The following SNX3 variants were observed in gnomAD, a reference collection of about 807,000 sequenced individuals.
The protein encoded by SNX3 is sorting nexin-3.
A neutral mutation model predicts 17.7 loss-of-function variants in SNX3; 5 were observed. That is an observed-to-expected ratio of 0.28 (90% CI 0.15 to 0.59). The LOEUF (loss-of-function observed/expected upper bound fraction) is 0.59. SNX3 is among the 20% of genes least tolerant of loss of function. The probability of loss-of-function intolerance (pLI) is 0.88; values close to 1 mark genes in which losing one functional copy is unlikely to be tolerated. For missense variants in SNX3, 132 were observed against 206.8 expected, an observed-to-expected ratio of 0.64 and a Z score of 2.22; for synonymous variants, 91 against 76.5, an observed-to-expected ratio of 1.19 and a Z score of -0.99.
chr6:108,217,908 T>C (rs1337178787), intron 2 of SNX3, among the ~76,000 whole-genome samples: 5 of 152,194 alleles, frequency 3.3e-5, no homozygotes, highest in Admixed American at 1.3e-4. Flanking sequence ...CCATAATACA[T>C]GTCAGCTAAT....
intron 1 of SNX3, among the ~76,000 whole-genome samples, chr6:108,233,111 C>G (rs1775223046): frequency 6.6e-6 from 1 of 152,186 alleles, no homozygotes; most frequent in Non-Finnish European, 1.5e-5. Context: ...ATTATCTAGA[C>G]TAGCTTAAAT....
chr6:108,235,986 T>C (rs746940778), intron 1 of SNX3, among the ~76,000 whole-genome samples: 2 of 152,224 alleles, frequency 1.3e-5, no homozygotes, highest in Non-Finnish European at 2.9e-5. Context: ...TTCTGAGTAG[T>C]TGAAGTTCCT....
chr6:108,222,110 A>T (rs1421265867), intron 2 of SNX3: 11 of 881,538 alleles, frequency 1.2e-5, no homozygotes, highest in Non-Finnish European at 1.7e-5. Context: ...GCTCATATGC[A>T]GCCACTTTTA....
chr6:108,253,532 T>C (rs1221320457), intron 1 of SNX3, among the ~76,000 whole-genome samples: 1 of 152,064 alleles, frequency 6.6e-6, no homozygotes, highest in Non-Finnish European at 1.5e-5. Context: ...TCCCAAAAAC[T>C]TAAGCTGTAG....
At chr6:108,228,249 T>A (rs1775032065) in intron 1 of SNX3, among the ~76,000 whole-genome samples, 1 of 151,816 alleles carries the variant, frequency 6.6e-6, no homozygotes. Flanking sequence ...CTACAAAAAA[T>A]AAAAAATTAG....
At chr6:108,227,829 T>G (rs1249764505) in intron 1 of SNX3, among the ~76,000 whole-genome samples, 1 of 150,662 alleles carries the variant, frequency 6.6e-6, no homozygotes, top group Non-Finnish European at 1.5e-5. Context: ...TTTTTTTTTG[T>G]TGTTGTTGTT....
At chr6:108,229,651 G>A (rs945220213) in intron 1 of SNX3, among the ~76,000 whole-genome samples, 4 of 152,188 alleles carry the variant, frequency 2.6e-5, no homozygotes, top group South Asian at 4.1e-4. Context: ...AAAATGGCGC[G>A]AGTGCAATGG....
intron 1 of SNX3, among the ~76,000 whole-genome samples, chr6:108,239,501 A>C (rs1467430020): frequency 6.6e-6 from 1 of 152,190 alleles, no homozygotes; most frequent in African/African-American, 2.4e-5. Flanking sequence ...CTTAATAATT[A>C]AGTAGAAACT....
At chr6:108,228,277 G>A (rs1465370198) in intron 1 of SNX3, among the ~76,000 whole-genome samples, 2 of 152,066 alleles carry the variant, frequency 1.3e-5, no homozygotes, top group Non-Finnish European at 2.9e-5. Flanking sequence ...GGCTGGGCGT[G>A]GTGGCTCATG....
At chr6:108,215,072 G>A (rs139534882) in intron 2 of SNX3, among the ~76,000 whole-genome samples, 116 of 152,326 alleles carry the variant, frequency 7.6e-4, no homozygotes, top group African/African-American at 2.4e-3. Flanking sequence ...GGTTTCAGCC[G>A]GGCGTGGTGG....
At chr6:108,238,117 A>AAC (rs1775406809) in intron 1 of SNX3, among the ~76,000 whole-genome samples, 2 of 151,100 alleles carry the variant, frequency 1.3e-5, no homozygotes, top group African/African-American at 4.9e-5. Context: ...AAAAAAAAAA[A>AAC]AAACAAACAA....
At position 108,212,660 on chromosome 6, in the gene SNX3, A is replaced by G. The variant is rs149178247; in HGVS notation, c.384-406T>C. Reference sequence around the variant, plus strand: ...GCTCAGAATCATGTACAGTTTACCAATAAGTATTATTCTGGACTGTCCATA... The same window carrying G: ...GCTCAGAATCATGTACAGTTTACCAGTAAGTATTATTCTGGACTGTCCATA... On this transcript the variant is annotated intron_variant, in intron 3 of 3. Transcript: ENST00000230085. 1.8e-4 allele frequency among the ~76,000 whole-genome samples: 28 copies of G among 152,178 alleles called. No individual in the cohort carries two copies. In the East Asian group the frequency reaches 5.0e-3, roughly 27 times the overall value.
At chr6:108,235,006 C>T (rs1229100300) in intron 1 of SNX3, among the ~76,000 whole-genome samples, 1 of 152,182 alleles carries the variant, frequency 6.6e-6, no homozygotes, top group Non-Finnish European at 1.5e-5. Flanking sequence ...AGTTGTCCTC[C>T]AGAAAGGCTA....
Position 108,261,029 on chromosome 6 carries a change from G to C in SNX3, c.-108C>G. 1.8e-6 allele frequency: 2 copies of C among 1,108,962 alleles called. No individual in the cohort carries two copies. Among genetic ancestry groups the C allele is most frequent in the Non-Finnish European group, 2.4e-6 (2 of 837,866 alleles). 68.7% of individuals were successfully genotyped at this position (1,108,962 alleles called of 1,614,324 possible). A position where few individuals can be genotyped will look rare whatever the true frequency, so the allele number is the denominator to read the frequency against. ...TGGGGACACGGGGCTCGCGCGCAGC[G>C]GTCGCGAAGAGAACGAGCACGTAGA... On this transcript the variant is annotated 5_prime_UTR_variant, in exon 1 of 4. Transcript: ENST00000230085.
chr6:108,242,426 T>C (rs1250345708), intron 1 of SNX3, among the ~76,000 whole-genome samples: 1 of 151,976 alleles, frequency 6.6e-6, no homozygotes, highest in African/African-American at 2.4e-5. Context: ...GCAAGAGAAA[T>C]CTACTCATCA....
chr6:108,259,148 T>C (rs1303796071), intron 1 of SNX3, among the ~76,000 whole-genome samples: 1 of 152,240 alleles, frequency 6.6e-6, no homozygotes, highest in Non-Finnish European at 1.5e-5. Context: ...ACTTTTCCAC[T>C]AGGTTTATGT....
intron 1 of SNX3, among the ~76,000 whole-genome samples, chr6:108,258,628 GC>G (rs1446601310): frequency 6.6e-6 from 1 of 151,924 alleles, no homozygotes. Context: ...TCCCACCTCA[GC>G]CTCTGGAGTA....
intron 1 of SNX3, among the ~76,000 whole-genome samples, chr6:108,228,201 T>C (rs967812479): frequency 6.6e-6 from 1 of 152,096 alleles, no homozygotes; most frequent in Non-Finnish European, 1.5e-5. Flanking sequence ...TCACAGGAGT[T>C]TGAGACCAGG....
At chr6:108,219,954 C>CT (rs1212462156) in intron 2 of SNX3, among the ~76,000 whole-genome samples, 3 of 152,036 alleles carry the variant, frequency 2.0e-5, no homozygotes, top group African/African-American at 7.2e-5. Flanking sequence ...GATCCTGACT[C>CT]TGTGCAGGCC....
Sources: allele counts gnomAD v4.1 joint callset (sites outside exome capture counted in the v4.1 genomes callset), GRCh38; gene constraint gnomAD v4.1.1; transcripts MANE v1.5; gene names NCBI Gene and HGNC (gene_info 2026-07-23, HGNC 2026-07-21).